Variants in RB1 observed in about 807,000 individuals in gnomAD.
RB1 encodes the protein RB transcriptional corepressor 1, also known as retinoblastoma-associated protein.
In RB1, 18 loss-of-function variants were observed where a neutral mutation model predicts 135.4. The ratio of observed to expected loss-of-function variants is 0.13; its 90% CI spans 0.09 to 0.20. The LOEUF (loss-of-function observed/expected upper bound fraction) is 0.20. RB1 is among the 10% of genes least tolerant of loss of function. The pLI is 1.00. For synonymous variants in RB1, 365 were observed against 373.2 expected (o/e 0.98, Z 0.25); for missense variants, 868 against 1,110.0 (o/e 0.78, Z 3.10).
At chr13:48,385,560 A>T (rs1026475832) in intron 17 of RB1, among the ~76,000 whole-genome samples, 1 of 152,136 alleles carries the variant, frequency 6.6e-6, no homozygotes, top group Admixed American at 6.6e-5. Context: ...AAAACTGGAA[A>T]ATTGAAGCTA....
intron 17 of RB1, among the ~76,000 whole-genome samples, chr13:48,440,714 G>A (rs938721343): frequency 6.6e-6 from 1 of 151,990 alleles, no homozygotes; most frequent in East Asian, 1.9e-4. Context: ...TAGATAAAGG[G>A]TTTTCTTTGT....
intron 5 of RB1, 68 bp from the exon 6 acceptor site, chr13:48,348,888 T>C (rs1370937746): frequency 1.9e-6 from 3 of 1,550,712 alleles, no homozygotes; most frequent in African/African-American, 2.7e-5. Flanking sequence ...CCAAAAGATA[T>C]ATCTGGAAAA....
intron 23 of RB1, 60 bp downstream of exon 23, chr13:48,465,428 G>A (rs2138346544): frequency 2.1e-6 from 3 of 1,463,196 alleles, no homozygotes; most frequent in Non-Finnish European, 2.9e-6. Flanking sequence ...TTTGATCCAA[G>A]AATAAAAAAT....
intron 19 of RB1, among the ~76,000 whole-genome samples, chr13:48,459,314 A>AT (rs1188794366): frequency 6.6e-6 from 1 of 152,126 alleles, no homozygotes; most frequent in Non-Finnish European, 1.5e-5. Flanking sequence ...CCAAACACCT[A>AT]TTTTTTAAAA....
At chr13:48,310,232 A>T (rs1952120228) in intron 2 of RB1, among the ~76,000 whole-genome samples, 1 of 152,170 alleles carries the variant, frequency 6.6e-6, no homozygotes, top group South Asian at 2.1e-4. Flanking sequence ...TGTTCTAAGA[A>T]GCAAATGTAA....
intron 11 of RB1, among the ~76,000 whole-genome samples, chr13:48,370,911 G>A (rs529211263): frequency 8.5e-5 from 13 of 152,348 alleles, no homozygotes; most frequent in African/African-American, 3.1e-4. Flanking sequence ...CCTAGGGGCT[G>A]CCAGCCATGT....
intron 17 of RB1, among the ~76,000 whole-genome samples, chr13:48,388,627 C>A (rs918327838): frequency 6.6e-6 from 1 of 152,132 alleles, no homozygotes; most frequent in African/African-American, 2.4e-5. Context: ...GTGATTTGAA[C>A]CCAGGTCTTT....
At chr13:48,433,977 G>A (rs1047606007) in intron 17 of RB1, among the ~76,000 whole-genome samples, 1 of 151,704 alleles carries the variant, frequency 6.6e-6, no homozygotes, top group Non-Finnish European at 1.5e-5. Flanking sequence ...TCCTGCCTTA[G>A]CCTCCCAAAG....
chr13:48,345,317 G>C, intron 4 of RB1, 118 bp downstream of exon 4: 2 of 1,200,354 alleles, frequency 1.7e-6, no homozygotes, highest in South Asian at 2.7e-5. Context: ...TCTTAGACTT[G>C]TCCCTTTTAA....
At chr13:48,408,960 G>C (rs1462441045) in intron 17 of RB1, among the ~76,000 whole-genome samples, 1 of 152,102 alleles carries the variant, frequency 6.6e-6, no homozygotes, top group African/African-American at 2.4e-5. Context: ...CAGATCAGTA[G>C]ATTGGTAGTT....
intron 6 of RB1, among the ~76,000 whole-genome samples, chr13:48,349,515 C>G (rs1952527748): frequency 6.6e-6 from 1 of 151,524 alleles, no homozygotes; most frequent in African/African-American, 2.4e-5. Flanking sequence ...TCATAGTAAC[C>G]TCAAACCAAA....
intron 7 of RB1, among the ~76,000 whole-genome samples, chr13:48,362,030 C>T (rs1355093175): frequency 6.7e-6 from 1 of 148,988 alleles, no homozygotes; most frequent in Admixed American, 6.8e-5. Context: ...TCACTGCAAA[C>T]TCTGCCTCCC....
intron 16 of RB1, 103 bp from the exon 17 acceptor site, chr13:48,381,142 GTT>G (rs1481714453): frequency 1.4e-6 from 2 of 1,440,330 alleles, no homozygotes; most frequent in African/African-American, 2.9e-5. Flanking sequence ...AATAAAAATG[GTT>G]TAACCTTTCT....
chr13:48,477,487 A>G (rs1949511218), intron 26 of RB1, 83 bp downstream of exon 26: 5 of 1,153,442 alleles, frequency 4.3e-6, no homozygotes, highest in South Asian at 1.3e-5. Context: ...AAAAGAATGT[A>G]TAATTTCTTC....
chr13:48,480,612 T>TA lies in RB1; in HGVS notation c.*542dup. 1 of 226,582 alleles carries TA rather than the reference T, an allele frequency of 4.4e-6. No homozygotes were observed. The highest frequency in any genetic ancestry group is 8.8e-6 in the Non-Finnish European group (1 of 113,878). 14.0% of individuals were successfully genotyped at this position (226,582 alleles called of 1,614,324 possible). A position where few individuals can be genotyped will look rare whatever the true frequency, so the allele number is the denominator to read the frequency against. Reference sequence around the variant, plus strand: ...ATATTATTAGAAATTAGAAAAAAATTACTAATTTTACACATTAGATTTTAT... The same window carrying TA: ...ATATTATTAGAAATTAGAAAAAAATTAACTAATTTTACACATTAGATTTTAT... On this transcript the variant is annotated 3_prime_UTR_variant, in exon 27 of 27. Coordinates refer to ENST00000267163, the MANE Select transcript of RB1 (RefSeq NM_000321.3).
chr13:48,423,155 G>T (rs1291826291), intron 17 of RB1, among the ~76,000 whole-genome samples: 2 of 152,124 alleles, frequency 1.3e-5, no homozygotes, highest in Non-Finnish European at 2.9e-5. Flanking sequence ...TAAATAAAAA[G>T]AATGAAATAT....
At chr13:48,362,659 G>A (rs1431746393) in intron 7 of RB1, among the ~76,000 whole-genome samples, 156 bp from the exon 8 acceptor site, 1 of 152,150 alleles carries the variant, frequency 6.6e-6, no homozygotes, top group African/African-American at 2.4e-5. Flanking sequence ...ATTTGTAGTA[G>A]ATATGGATGA....
intron 6 of RB1, among the ~76,000 whole-genome samples, chr13:48,358,350 C>G (rs1332222268): frequency 6.6e-6 from 1 of 151,948 alleles, no homozygotes; most frequent in East Asian, 1.9e-4. Flanking sequence ...ATTTGATGTT[C>G]TGTTTTCTCT....
rs2138361059 is a variant in RB1, at chr13:48,477,419, C to G, written c.2713+15C>G. On this transcript the variant is annotated intron_variant, in intron 26 of 26. Coordinates refer to ENST00000267163, the MANE Select transcript of RB1 (RefSeq NM_000321.3). ...GGCAGAAATGAGTAAGTACTTTTTT[C>G]ACCTTGTGTAAATGAAATAAACAAT... 1 of 1,586,288 alleles carries G rather than the reference C, an allele frequency of 6.3e-7. No individual in the cohort carries two copies. The highest frequency in any genetic ancestry group is 8.7e-7 in the Non-Finnish European group (1 of 1,155,470).
Sources: allele counts gnomAD v4.1 joint callset (sites outside exome capture counted in the v4.1 genomes callset), GRCh38; gene constraint gnomAD v4.1.1; transcripts MANE v1.5; gene names NCBI Gene and HGNC (gene_info 2026-07-23, HGNC 2026-07-21).